The following SMYD2 variants were observed in gnomAD, a reference collection of about 807,000 sequenced individuals.
The protein encoded by SMYD2 is N-lysine methyltransferase SMYD2.
SMYD2 carries 53 observed loss-of-function variants against 59.1 expected under a neutral mutation model. That is an observed-to-expected ratio of 0.90 (90% CI 0.72 to 1.13). The LOEUF is 1.13. Among genes scored for constraint, SMYD2 ranks in the 50% most tolerant of loss-of-function variants. The probability of loss-of-function intolerance (pLI) is 0.00; values close to 1 mark genes in which losing one functional copy is unlikely to be tolerated. For missense variants in SMYD2, 494 were observed against 544.7 expected (o/e 0.91, Z 0.93); for synonymous variants, 208 against 198.8 (o/e 1.05, Z -0.39).
At chr1:214,282,725 C>G (rs1358949627) in intron 1 of SMYD2, among the ~76,000 whole-genome samples, 1 of 152,036 alleles carries the variant, frequency 6.6e-6, no homozygotes, top group African/African-American at 2.4e-5. Flanking sequence ...TGGAAAGGAA[C>G]TAGACACGGA....
At chr1:214,295,181 C>A in intron 1 of SMYD2, among the ~76,000 whole-genome samples, 1 of 152,142 alleles carries the variant, frequency 6.6e-6, no homozygotes, top group East Asian at 1.9e-4. Flanking sequence ...TTACTCTGAC[C>A]TTGCACAAAA....
chr1:214,326,946 T>C (rs1431362625), intron 6 of SMYD2, among the ~76,000 whole-genome samples: 2 of 152,246 alleles, frequency 1.3e-5, no homozygotes, highest in African/African-American at 2.4e-5. Context: ...ACTTTTTCCC[T>C]GTAGTTTAGA....
chr1:214,321,510 C>A (rs1657172049), intron 5 of SMYD2, among the ~76,000 whole-genome samples: 1 of 152,224 alleles, frequency 6.6e-6, no homozygotes, highest in African/African-American at 2.4e-5. Context: ...TGCCACCGGT[C>A]CCACCTCTCA....
At chr1:214,334,006 T>C in intron 10 of SMYD2, 194 bp from the exon 11 acceptor site, 1 of 486,724 alleles carries the variant, frequency 2.1e-6, no homozygotes, top group Non-Finnish European at 3.8e-6. Flanking sequence ...CTACAAATAA[T>C]GAACAACATC....
intron 6 of SMYD2, among the ~76,000 whole-genome samples, chr1:214,325,423 TC>T (rs1411507059): frequency 6.6e-6 from 1 of 152,254 alleles, no homozygotes; most frequent in East Asian, 1.9e-4. Flanking sequence ...TCATCATGCA[TC>T]CCCCCAGCCT....
intron 1 of SMYD2, among the ~76,000 whole-genome samples, chr1:214,288,586 T>C (rs933502179): frequency 1.3e-5 from 2 of 152,212 alleles, no homozygotes; most frequent in African/African-American, 4.8e-5. Flanking sequence ...ATAGAATTTA[T>C]AATTGGCCAA....
In SMYD2 at chr1:214,281,420, T is replaced by A. The variant is rs1474948828; in HGVS notation, c.166T>A (p.Phe56Ile). 2 of 1,437,996 alleles carry A rather than the reference T, an allele frequency of 1.4e-6. No homozygotes were observed. Among genetic ancestry groups the A allele is most frequent in the Non-Finnish European group, 1.8e-6 (2 of 1,090,196 alleles). The allele number at this position is 1,437,996 out of a possible 1,614,324, so 89.1% of individuals were successfully genotyped here. Residue 56 changes from phenylalanine (F) to isoleucine (I), a missense_variant, in exon 1 of 12, where the codon TTC becomes ATC. Physicochemically the swap from Phe to Ile is conservative, Grantham distance 21. Coordinates refer to ENST00000366957, the MANE Select transcript of SMYD2 (RefSeq NM_020197.3). ...NERGNHCEYCFTRKEGLSKCG... is the reference protein window; with the variant it reads ...NERGNHCEYCITRKEGLSKCG... Reference sequence around the variant, plus strand: ...GCGGGGCAACCACTGCGAGTACTGCTTCACCAGGTAGGGCGGCGGCGGCGG... The same window carrying A: ...GCGGGGCAACCACTGCGAGTACTGCATCACCAGGTAGGGCGGCGGCGGCGG...
Position 214,330,283 on chromosome 1 carries a change from G to T in SMYD2, c.816+5G>T. On this transcript the variant is annotated splice_donor_5th_base_variant and intron_variant, in intron 8 of 11. Coordinates refer to ENST00000366957, the MANE Select transcript of SMYD2 (RefSeq NM_020197.3). ...GAGTGTACCACCAAGGACAAGGTAA[G>T]GTTGTTCATTGGGCAAGAGCGCTGA... 6.3e-7 allele frequency: 1 copy of T among 1,597,102 alleles called. No individual in the cohort carries two copies.
In SMYD2 at chr1:214,324,707, G is replaced by A. The variant is rs1392590984; in HGVS notation, c.601G>A (p.Asp201Asn). 1 of 1,611,648 alleles carries A rather than the reference G, an allele frequency of 6.2e-7. No homozygotes were observed. Among genetic ancestry groups the A allele is most frequent in the African/African-American group, 1.3e-5 (1 of 74,970 alleles). Residue 201 changes from aspartate to asparagine, a missense_variant and splice_region_variant, in exon 6 of 12, where the codon GAT becomes AAT. Transcript: ENST00000366957. ...LSHLGSAIFPDVALMNHSCCP... is the reference protein window; with the variant it reads ...LSHLGSAIFPNVALMNHSCCP... ...TCATTTGGGATCAGCGATATTTCCT[G>A]AGTAGGCTGTGTTTGACTTCATTTC...
chr1:214,326,496 CT>C (rs1657264429), intron 6 of SMYD2, among the ~76,000 whole-genome samples: 1 of 152,102 alleles, frequency 6.6e-6, no homozygotes, highest in Non-Finnish European at 1.5e-5. Context: ...GACCTGATTC[CT>C]TGGGCATCAC....
chr1:214,299,465 T>TTTTATATATATATATA (rs1553254477), intron 1 of SMYD2, among the ~76,000 whole-genome samples: 2 of 71,612 alleles, frequency 2.8e-5, no homozygotes, highest in Admixed American at 2.2e-4. Context: ...AAAGAAAACA[T>TTTTATATATATATATA]TATATATATA....
chr1:214,328,795 T>C (rs1657302354), intron 7 of SMYD2, among the ~76,000 whole-genome samples: 1 of 152,346 alleles, frequency 6.6e-6, no homozygotes, highest in East Asian at 1.9e-4. Context: ...TCCATTACGA[T>C]GAGGGTGTGT....
chr1:214,291,464 C>A (rs1179433295), intron 1 of SMYD2, among the ~76,000 whole-genome samples: 1 of 152,198 alleles, frequency 6.6e-6, no homozygotes, highest in Non-Finnish European at 1.5e-5. Flanking sequence ...ACTCTGTGAC[C>A]TACCCTGCCC....
At chr1:214,331,444 A>T (rs1403734862) in intron 9 of SMYD2, 2 of 207,364 alleles carry the variant, frequency 9.6e-6, no homozygotes, top group Admixed American at 1.0e-4. Flanking sequence ...GCTCATTCCC[A>T]TGCAGCAGAT....
rs558898415 is a variant in SMYD2 at position 214,336,375 on chromosome 1, AC to A, written c.1222-328del. ...GTGAAACCCCGTGTCTACTAAAAATACAAAAAATTAGCCAGGCATGGTGGTG... is the reference window on the plus strand; with the variant it reads ...GTGAAACCCCGTGTCTACTAAAAATAAAAAAATTAGCCAGGCATGGTGGTG... On this transcript the variant is annotated intron_variant, in intron 11 of 11. Transcript: ENST00000366957. Among the ~76,000 whole-genome samples the A allele has an allele frequency of 5.3e-5, 8 of 152,340 alleles. No homozygotes were observed. In the South Asian group the frequency reaches 1.7e-3, roughly 32 times the overall value.
At chr1:214,309,846 A>G (rs1461339342) in intron 2 of SMYD2, among the ~76,000 whole-genome samples, 1 of 152,190 alleles carries the variant, frequency 6.6e-6, no homozygotes, top group Non-Finnish European at 1.5e-5. Context: ...CACAAAGCAT[A>G]TGTCCTAGTG....
chr1:214,306,976 GC>G (rs1656924218), intron 2 of SMYD2, among the ~76,000 whole-genome samples: 1 of 152,216 alleles, frequency 6.6e-6, no homozygotes, highest in Non-Finnish European at 1.5e-5. Flanking sequence ...TTCGAGACCA[GC>G]CTAACTAACA....
chr1:214,300,251 T>G (rs1276467968), intron 1 of SMYD2, among the ~76,000 whole-genome samples: 1 of 152,168 alleles, frequency 6.6e-6, no homozygotes, highest in Non-Finnish European at 1.5e-5. Flanking sequence ...AGGAGTGCGG[T>G]GTTCTCTCAC....
intron 11 of SMYD2, 144 bp downstream of exon 11, chr1:214,334,452 G>T: frequency 1.4e-6 from 1 of 734,484 alleles, no homozygotes; most frequent in Non-Finnish European, 2.3e-6. Flanking sequence ...AGCAGCGGGG[G>T]TGGGTCCTGC....
Sources: allele counts gnomAD v4.1 joint callset (sites outside exome capture counted in the v4.1 genomes callset), GRCh38; gene constraint gnomAD v4.1.1; transcripts MANE v1.5; gene names NCBI Gene and HGNC (gene_info 2026-07-23, HGNC 2026-07-21).